Variants in ZCCHC17 observed in about 807,000 individuals in gnomAD.
ZCCHC17 encodes zinc finger CCHC-type containing 17.
A neutral mutation model predicts 30.6 loss-of-function variants in ZCCHC17; 18 were observed. The ratio of observed to expected loss-of-function variants is 0.59; its 90% confidence interval spans 0.41 to 0.87. The LOEUF is 0.87. ZCCHC17 is among the 40% of genes least tolerant of loss of function. The pLI is 0.00. For synonymous variants in ZCCHC17, 88 were observed against 92.4 expected (o/e 0.95, Z 0.27); for missense variants, 263 against 284.2 (o/e 0.93, Z 0.54).
At chr1:31,305,711 G>A (rs1293530137) in intron 1 of ZCCHC17, among the ~76,000 whole-genome samples, 2 of 152,096 alleles carry the variant, frequency 1.3e-5, no homozygotes, top group Non-Finnish European at 2.9e-5. Flanking sequence ...CAAAGTGCTG[G>A]AATTACAGGT....
At chr1:31,334,721 G>T (rs1161564726) in intron 3 of ZCCHC17, among the ~76,000 whole-genome samples, 3 of 152,062 alleles carry the variant, frequency 2.0e-5, no homozygotes, top group Non-Finnish European at 4.4e-5. Flanking sequence ...TACAGTACTT[G>T]ATACATAATA....
At chr1:31,337,054 C>A in intron 3 of ZCCHC17, 121 bp from the exon 4 acceptor site, 1 of 841,342 alleles carries the variant, frequency 1.2e-6, no homozygotes, top group Non-Finnish European at 1.8e-6. Context: ...AAGTTTCACG[C>A]TTTTCAGTAA....
chr1:31,354,580 G>A (rs1305158779), intron 7 of ZCCHC17, among the ~76,000 whole-genome samples: 1 of 152,114 alleles, frequency 6.6e-6, no homozygotes, highest in African/African-American at 2.4e-5. Flanking sequence ...CCTTTTAGAG[G>A]TAAATGGTAC....
intron 3 of ZCCHC17, among the ~76,000 whole-genome samples, chr1:31,334,333 CTCTCTGTGTGTGTGTGTG>C (rs1193245393): frequency 4.9e-5 from 3 of 60,912 alleles, no homozygotes; most frequent in African/African-American, 1.9e-4. Flanking sequence ...CTCTCTCTCT[CTCTCTGTGTGTGTGTGTG>C]TGTGTGTGTG....
At chr1:31,300,033 C>G (rs527356518) in intron 1 of ZCCHC17, among the ~76,000 whole-genome samples, 1 of 152,236 alleles carries the variant, frequency 6.6e-6, no homozygotes, top group African/African-American at 2.4e-5. Context: ...CTCTACTTCC[C>G]CCAGACCCTC....
chr1:31,314,061 C>G (rs1055899351), intron 2 of ZCCHC17, among the ~76,000 whole-genome samples: 1 of 152,102 alleles, frequency 6.6e-6, no homozygotes, highest in Non-Finnish European at 1.5e-5. Flanking sequence ...GACAGAGTTT[C>G]GCCATGTTGG....
At chr1:31,327,629 A>G (rs1406511389) in intron 3 of ZCCHC17, among the ~76,000 whole-genome samples, 18 of 152,170 alleles carry the variant, frequency 1.2e-4, no homozygotes, top group Non-Finnish European at 1.6e-4. Context: ...CTACCCACCC[A>G]TTAGTCCCTT....
intron 3 of ZCCHC17, among the ~76,000 whole-genome samples, chr1:31,334,371 G>C (rs1264160807): frequency 1.3e-5 from 2 of 149,868 alleles, no homozygotes; most frequent in African/African-American, 5.0e-5. Flanking sequence ...GTGTGTGTGT[G>C]TGTGTGTGTG....
chr1:31,350,894 G>A (rs12134484), intron 7 of ZCCHC17, among the ~76,000 whole-genome samples: 82,642 of 152,048 alleles, frequency 0.54, 23,360 homozygotes, highest in Non-Finnish European at 0.62. Flanking sequence ...GAGCCTCCGC[G>A]CCTGGCAAAC....
chr1:31,327,978 C>T (rs1297456539), intron 3 of ZCCHC17, among the ~76,000 whole-genome samples: 4 of 152,012 alleles, frequency 2.6e-5, no homozygotes, highest in Non-Finnish European at 5.9e-5. Flanking sequence ...TATGTACCCC[C>T]GGAATCTAAA....
chr1:31,361,001 ACT>A (rs1639867314), intron 7 of ZCCHC17, among the ~76,000 whole-genome samples: 3 of 152,006 alleles, frequency 2.0e-5, no homozygotes, highest in East Asian at 1.9e-4. Flanking sequence ...CTGGTGCCAG[ACT>A]CTGTATTTTC....
At chr1:31,357,017 T>C (rs1639667993) in intron 7 of ZCCHC17, among the ~76,000 whole-genome samples, 1 of 152,208 alleles carries the variant, frequency 6.6e-6, no homozygotes, top group African/African-American at 2.4e-5. Context: ...ATCGTAGGTC[T>C]TTCTGAATCG....
At chr1:31,322,409 A>C (rs1646882152) in intron 3 of ZCCHC17, among the ~76,000 whole-genome samples, 3 of 152,180 alleles carry the variant, frequency 2.0e-5, no homozygotes, top group African/African-American at 7.2e-5. Flanking sequence ...TGCTAGAGTG[A>C]CTCACAGAAC....
intron 2 of ZCCHC17, among the ~76,000 whole-genome samples, chr1:31,311,390 T>A (rs1203787349): frequency 1.3e-5 from 2 of 152,242 alleles, no homozygotes; most frequent in African/African-American, 4.8e-5. Context: ...ACTGGCCTCC[T>A]TAATAGCTTT....
chr1:31,346,507 C>T (rs916659426), intron 5 of ZCCHC17, 133 bp from the exon 6 acceptor site: 6 of 981,542 alleles, frequency 6.1e-6, no homozygotes, highest in African/African-American at 3.3e-5. Flanking sequence ...CTGCCTGTCT[C>T]GTTCTGTCAA....
chr1:31,360,227 T>A (rs1426203574), intron 7 of ZCCHC17, among the ~76,000 whole-genome samples: 2 of 150,634 alleles, frequency 1.3e-5, no homozygotes, highest in African/African-American at 4.9e-5. Context: ...TGGAGTGCAG[T>A]GGCGCGATCT....
Position 31,318,301 on chromosome 1 carries a change from C to T in ZCCHC17, c.67-808C>T, listed in dbSNP as rs796094941. ...TAGTGTTAAATTCAGCATATAGTGACAACATTACCCTCGATCCACAGGTTG... is the reference window on the plus strand; with the variant it reads ...TAGTGTTAAATTCAGCATATAGTGATAACATTACCCTCGATCCACAGGTTG... On this transcript the variant is annotated intron_variant, in intron 2 of 7. Coordinates refer to ENST00000344147, the MANE Select transcript of ZCCHC17 (RefSeq NM_016505.4). 39 of 1,328,388 alleles carry T rather than the reference C, an allele frequency of 2.9e-5. No homozygotes were observed. The African/African-American group carries it at 5.7e-4, about 19-fold the overall frequency. The allele number at this position is 1,328,388 out of a possible 1,614,324, so 82.3% of individuals were successfully genotyped here.
chr1:31,356,952 C>T (rs890273333), intron 7 of ZCCHC17, among the ~76,000 whole-genome samples: 1 of 152,196 alleles, frequency 6.6e-6, no homozygotes, highest in African/African-American at 2.4e-5. Context: ...CCTGGATAAT[C>T]TTCTGATGAA....
At chr1:31,360,165 GTGTTTTGTTT>G (rs376753414) in intron 7 of ZCCHC17, among the ~76,000 whole-genome samples, 1 of 150,436 alleles carries the variant, frequency 6.6e-6, no homozygotes, top group Non-Finnish European at 1.5e-5. Flanking sequence ...TTGTGTGTGC[GTGTTTTGTTT>G]TGTTTTGTTT....
Sources: gnomAD v4.1 joint callset for allele counts (sites outside exome capture counted in the v4.1 genomes callset) on GRCh38, gnomAD v4.1.1 for gene constraint, MANE v1.5 for transcripts, NCBI Gene and HGNC (gene_info 2026-07-23, HGNC 2026-07-21) for gene names.